PTPRD: variants seen among roughly 807,000 people sequenced by gnomAD.
PTPRD encodes protein tyrosine phosphatase receptor type D, also known as receptor-type tyrosine-protein phosphatase delta.
Under a neutral mutation model 214.5 loss-of-function variants are expected in PTPRD, and 34 were observed. The observed-to-expected ratio is 0.16, with a 90% CI of 0.12 to 0.21. The LOEUF (loss-of-function observed/expected upper bound fraction) is 0.21, where lower values mean the gene tolerates loss of function less well. Among genes scored for constraint, PTPRD ranks in the 10% least tolerant of loss-of-function variants. The pLI is 1.00. For synonymous variants in PTPRD, 1,128 were observed against 845.7 expected, an observed-to-expected ratio of 1.33 and a Z score of -5.79; for missense variants, 2,545 against 2,398.7, an observed-to-expected ratio of 1.06 and a Z score of -1.27.
In PTPRD at chr9:9,954,312, A is replaced by G. The variant is rs191852421; in HGVS notation, c.-471-15702T>C. Among the ~76,000 whole-genome samples the G allele has an allele frequency of 2.0e-4, 30 of 148,538 alleles. 1 individual carries two copies. Among genetic ancestry groups the G allele is most frequent in the Admixed American group, 6.0e-4 (9 of 14,880 alleles). ...TGTCTCAAAACAAAAAAAAAAAAAA[A>G]AAAAAAAAAAAAGATCATTGTCCTA... On this transcript the variant is annotated intron_variant, in intron 4 of 45. Coordinates refer to ENST00000381196, the MANE Select transcript of PTPRD (RefSeq NM_002839.4).
intron 2 of PTPRD, among the ~76,000 whole-genome samples, chr9:10,542,505 A>T (rs936045386): frequency 6.6e-6 from 1 of 152,174 alleles, no homozygotes; most frequent in Non-Finnish European, 1.5e-5. Flanking sequence ...ACATGCTCAT[A>T]TCTGATAAAA....
At chr9:9,972,484 C>T (rs1288651819) in intron 4 of PTPRD, among the ~76,000 whole-genome samples, 1 of 152,112 alleles carries the variant, frequency 6.6e-6, no homozygotes, top group Non-Finnish European at 1.5e-5. Context: ...TTCATTCACT[C>T]CCTTCATATT....
chr9:9,497,202 T>G (rs1178786137), intron 8 of PTPRD, among the ~76,000 whole-genome samples: 1 of 152,142 alleles, frequency 6.6e-6, no homozygotes, highest in Non-Finnish European at 1.5e-5. Flanking sequence ...ATGAATATAT[T>G]TAGTGCCACT....
intron 11 of PTPRD, among the ~76,000 whole-genome samples, chr9:8,789,966 A>G (rs1279149515): frequency 6.6e-6 from 1 of 152,168 alleles, no homozygotes; most frequent in Admixed American, 6.6e-5. Flanking sequence ...CTTCTAATAC[A>G]CTATACAATA....
chr9:9,715,122 A>C (rs1246910848), intron 7 of PTPRD, among the ~76,000 whole-genome samples: 1 of 152,200 alleles, frequency 6.6e-6, no homozygotes, highest in Non-Finnish European at 1.5e-5. Context: ...GACTTTGGGC[A>C]AATTACTTTA....
chr9:10,547,698 G>GTT (rs906043988), intron 2 of PTPRD, among the ~76,000 whole-genome samples: 8 of 151,118 alleles, frequency 5.3e-5, no homozygotes, highest in Non-Finnish European at 1.0e-4. Flanking sequence ...ATACATATAT[G>GTT]TTATATATAT....
At chr9:9,266,133 A>C (rs1426880708) in intron 9 of PTPRD, among the ~76,000 whole-genome samples, 1 of 151,604 alleles carries the variant, frequency 6.6e-6, no homozygotes, top group African/African-American at 2.4e-5. Context: ...ATTGTAAAAC[A>C]AGACAAAGAA....
At chr9:8,746,402 G>A (rs773381938) in intron 11 of PTPRD, among the ~76,000 whole-genome samples, 5 of 152,150 alleles carry the variant, frequency 3.3e-5, no homozygotes, top group South Asian at 2.1e-4. Flanking sequence ...ATACCAAGAT[G>A]TATCAGAGTG....
chr9:9,712,804 G>C (rs1169389592), intron 7 of PTPRD, among the ~76,000 whole-genome samples: 3 of 152,010 alleles, frequency 2.0e-5, no homozygotes, highest in Admixed American at 6.6e-5. Flanking sequence ...CTTAAAAGTA[G>C]TTTATTATCT....
At position 9,350,265 on chromosome 9, in the gene PTPRD, T is replaced by C. The variant is rs139999578; in HGVS notation, c.-203+47184A>G. 2.4e-3 allele frequency among the ~76,000 whole-genome samples: 372 copies of C among 152,242 alleles called. 1 individual carries two copies. Among genetic ancestry groups the C allele is most frequent in the African/African-American group, 8.6e-3 (358 of 41,568 alleles). On this transcript the variant is annotated intron_variant, in intron 9 of 45. Coordinates refer to ENST00000381196, the MANE Select transcript of PTPRD (RefSeq NM_002839.4). The stretch of plus-strand genomic sequence containing the variant: ...GGATTCTAAGGCATTCTGACCTTTA[T>C]ACAATTAGAAAGCTCAGAAGCAAAT...
chr9:9,289,447 TTAACA>T (rs1950487269), intron 9 of PTPRD, among the ~76,000 whole-genome samples: 2 of 152,012 alleles, frequency 1.3e-5, no homozygotes, highest in South Asian at 4.1e-4. Flanking sequence ...ATCAAATCCA[TTAACA>T]TATCTATCAC....
chr9:10,108,734 G>A (rs2098660620), intron 3 of PTPRD, among the ~76,000 whole-genome samples: 1 of 151,958 alleles, frequency 6.6e-6, no homozygotes, highest in Non-Finnish European at 1.5e-5. Context: ...ATCAGTGAAT[G>A]AATGGAAAAA....
chr9:9,522,745 G>A (rs1176588936), intron 8 of PTPRD, among the ~76,000 whole-genome samples: 1 of 152,096 alleles, frequency 6.6e-6, no homozygotes, highest in East Asian at 1.9e-4. Flanking sequence ...AAAATAAAGA[G>A]GTAATCAGTT....
At chr9:9,009,908 AG>A (rs1165722467) in intron 11 of PTPRD, among the ~76,000 whole-genome samples, 1 of 152,054 alleles carries the variant, frequency 6.6e-6, no homozygotes, top group African/African-American at 2.4e-5. Flanking sequence ...TGAGAATTTT[AG>A]GTTGACTTGG....
chr9:9,753,714 G>A (rs753134047), intron 6 of PTPRD, among the ~76,000 whole-genome samples: 4 of 151,916 alleles, frequency 2.6e-5, no homozygotes, highest in Non-Finnish European at 5.9e-5. Flanking sequence ...CCAATGTGTC[G>A]CAGATGCTCT....
At chr9:10,095,774 C>A (rs2098477087) in intron 3 of PTPRD, among the ~76,000 whole-genome samples, 1 of 151,436 alleles carries the variant, frequency 6.6e-6, no homozygotes, top group Non-Finnish European at 1.5e-5. Flanking sequence ...CAAAATGCAT[C>A]CTACTTCATG....
chr9:9,943,656 T>C (rs569631579), intron 4 of PTPRD, among the ~76,000 whole-genome samples: 60 of 141,856 alleles, frequency 4.2e-4, no homozygotes, highest in African/African-American at 1.6e-3. Context: ...AATAAAAGTG[T>C]AGTCATTTCA....
intron 12 of PTPRD, among the ~76,000 whole-genome samples, chr9:8,668,723 A>T (rs1040540085): frequency 2.0e-5 from 3 of 152,244 alleles, no homozygotes; most frequent in Non-Finnish European, 4.4e-5. Flanking sequence ...TAAGTGATTC[A>T]TAACTGTCTT....
chr9:8,557,773 A>G (rs1486085538), intron 14 of PTPRD, among the ~76,000 whole-genome samples: 4 of 136,628 alleles, frequency 2.9e-5, no homozygotes, highest in Non-Finnish European at 6.2e-5. Context: ...AAAAAGAAAA[A>G]CAAAATACAC....
Sources: allele counts gnomAD v4.1 joint callset (sites outside exome capture counted in the v4.1 genomes callset), GRCh38; gene constraint gnomAD v4.1.1; transcripts MANE v1.5; gene names NCBI Gene and HGNC (gene_info 2026-07-23, HGNC 2026-07-21).